PRKN: variants seen among roughly 807,000 people sequenced by gnomAD.
PRKN encodes parkin RBR E3 ubiquitin protein ligase.
Under a neutral mutation model 59.5 loss-of-function variants are expected in PRKN, and 56 were observed. The observed-to-expected ratio is 0.94, with a 90% CI of 0.76 to 1.18. The LOEUF (loss-of-function observed/expected upper bound fraction) is 1.18, where lower values mean the gene tolerates loss of function less well. PRKN is among the 50% of genes most tolerant of loss of function. PRKN has a pLI of 0.00. For missense variants in PRKN, 657 were observed against 596.4 expected, an observed-to-expected ratio of 1.10 and a Z score of -1.06; for synonymous variants, 250 against 222.1, an observed-to-expected ratio of 1.13 and a Z score of -1.12.
At position 162,087,466 on chromosome 6, in the gene PRKN, T is replaced by A. The variant is rs191528614; in HGVS notation, c.535-33292A>T. On this transcript the variant is annotated intron_variant, in intron 4 of 11. Transcript: ENST00000366898. ...ACAGATTAGAATTTTATTATTTTTT[T>A]AAAAATTGGGCCAGAAACGAGCACC... 9.6e-3 allele frequency among the ~76,000 whole-genome samples: 1,459 copies of A among 151,494 alleles called. 21 individuals are homozygous for A. Among genetic ancestry groups the A allele is most frequent in the African/African-American group, 0.033 (1,363 of 41,452 alleles).
intron 6 of PRKN, among the ~76,000 whole-genome samples, chr6:161,845,189 A>T (rs1286457091): frequency 1.2e-4 from 19 of 152,202 alleles, no homozygotes; most frequent in Non-Finnish European, 8.8e-5. Flanking sequence ...TGGACCAAAC[A>T]ACTAATTCTC....
intron 1 of PRKN, among the ~76,000 whole-genome samples, chr6:162,692,754 T>C (rs546677864): frequency 2.0e-5 from 3 of 152,360 alleles, no homozygotes; most frequent in Admixed American, 2.0e-4. Context: ...CCCTTTTACC[T>C]TTGTTGATTT....
At position 161,874,149 on chromosome 6, in the gene PRKN, ATATATAT is replaced by A. The variant is rs1178464845; in HGVS notation, c.735-88248_735-88242del. On this transcript the variant is annotated intron_variant, in intron 6 of 11. Transcript: ENST00000366898. ...TAATATATATTATATGTAAAATATA[ATATATAT>A]TATATATAATATATAATATATATTA... 4.1e-5 allele frequency among the ~76,000 whole-genome samples: 2 copies of A among 49,008 alleles called. 1 individual carries two copies. The highest frequency in any genetic ancestry group is 2.4e-4 in the African/African-American group (2 of 8,374). 32.2% of individuals were successfully genotyped at this position (49,008 alleles called of 152,430 possible).
intron 6 of PRKN, among the ~76,000 whole-genome samples, chr6:161,879,190 G>A (rs1794839770): frequency 1.3e-5 from 2 of 152,240 alleles, no homozygotes; most frequent in African/African-American, 2.4e-5. Context: ...CACATGCAAT[G>A]TTCTCATTGC....
chr6:162,019,063 C>T (rs560874195), intron 5 of PRKN, among the ~76,000 whole-genome samples: 25 of 152,274 alleles, frequency 1.6e-4, no homozygotes, highest in African/African-American at 6.0e-4. Context: ...GGTTTACTGA[C>T]TCATACAACA....
chr6:161,846,581 T>C (rs1793206655), intron 6 of PRKN, among the ~76,000 whole-genome samples: 1 of 151,342 alleles, frequency 6.6e-6, no homozygotes, highest in Non-Finnish European at 1.5e-5. Context: ...AAGGATTACA[T>C]CATAGTTCTT....
intron 9 of PRKN, among the ~76,000 whole-genome samples, chr6:161,476,167 A>G (rs1227920814): frequency 6.6e-6 from 1 of 150,800 alleles, no homozygotes; most frequent in Non-Finnish European, 1.5e-5. Context: ...AACCTGGGCG[A>G]CAGAGTGAGA....
In PRKN at chr6:161,526,722, G is replaced by A. The variant is rs984951959; in HGVS notation, c.1083+22132C>T. 5.3e-5 allele frequency among the ~76,000 whole-genome samples: 8 copies of A among 152,196 alleles called. No homozygotes were observed. The highest frequency in any genetic ancestry group is 1.9e-4 in the African/African-American group (8 of 41,550). ...GCTAAGCACTGTAGGGGACAGAAAA[G>A]ACTTTCTTTATCCTCTGAAGGTTCG... On this transcript the variant is annotated intron_variant, in intron 9 of 11. Transcript: ENST00000366898. The surrounding 1 kb of genome is among the most constrained non-coding windows in gnomAD (Gnocchi z 4.1).
chr6:161,988,979 C>T (rs565109381), intron 5 of PRKN, among the ~76,000 whole-genome samples: 16 of 152,036 alleles, frequency 1.1e-4, no homozygotes, highest in South Asian at 4.2e-4. Flanking sequence ...AGGGTACAAG[C>T]GCACAACGTG....
At chr6:161,826,037 T>C (rs938595048) in intron 6 of PRKN, among the ~76,000 whole-genome samples, 8 of 152,156 alleles carry the variant, frequency 5.3e-5, no homozygotes, top group African/African-American at 1.9e-4. Flanking sequence ...GCTCTCACTC[T>C]TGCCCCAAGC....
intron 5 of PRKN, among the ~76,000 whole-genome samples, chr6:161,985,115 G>A (rs921406723): frequency 2.0e-5 from 3 of 152,084 alleles, no homozygotes; most frequent in African/African-American, 7.2e-5. Context: ...CAACATAATC[G>A]CAGTGACTTA....
intron 5 of PRKN, among the ~76,000 whole-genome samples, chr6:161,991,737 G>A (rs1200445181): frequency 2.0e-5 from 3 of 152,064 alleles, no homozygotes; most frequent in Admixed American, 6.5e-5. Context: ...CAGCTACTCA[G>A]GAGGCTGAGG....
intron 1 of PRKN, among the ~76,000 whole-genome samples, chr6:162,460,137 G>C (rs931953336): frequency 2.6e-5 from 4 of 152,192 alleles, no homozygotes; most frequent in Non-Finnish European, 5.9e-5. Flanking sequence ...ATTAACCAAT[G>C]ATATATGCAT....
chr6:162,384,205 C>A (rs2128141740), intron 2 of PRKN, among the ~76,000 whole-genome samples: 1 of 152,318 alleles, frequency 6.6e-6, no homozygotes, highest in East Asian at 1.9e-4. Flanking sequence ...AGTTTTCAAC[C>A]TGTCTCAGTT....
At chr6:162,486,975 C>A (rs1285341774) in intron 1 of PRKN, among the ~76,000 whole-genome samples, 1 of 151,892 alleles carries the variant, frequency 6.6e-6, no homozygotes. Flanking sequence ...GAGGCTGAGG[C>A]AGGAGAATCA....
chr6:161,565,851 G>A (rs898411044), intron 8 of PRKN, among the ~76,000 whole-genome samples: 2 of 151,916 alleles, frequency 1.3e-5, no homozygotes, highest in East Asian at 1.9e-4. Flanking sequence ...GAGACCCTAC[G>A]CAAGGTTTAC....
chr6:162,354,654 C>T (rs769025440), intron 2 of PRKN, among the ~76,000 whole-genome samples: 3 of 151,980 alleles, frequency 2.0e-5, no homozygotes, highest in East Asian at 3.9e-4. Flanking sequence ...ATAAAGCATA[C>T]ATTTATTACA....
At chr6:162,426,394 G>A (rs1000559737) in intron 2 of PRKN, among the ~76,000 whole-genome samples, 3 of 152,192 alleles carry the variant, frequency 2.0e-5, no homozygotes, top group Admixed American at 6.5e-5. Context: ...TGGATCTTGC[G>A]TGGACAGCAC....
At chr6:161,585,804 C>T (rs9364605) in intron 7 of PRKN, among the ~76,000 whole-genome samples, 27,473 of 152,004 alleles carry the variant, frequency 0.18, 3,067 homozygotes, top group East Asian at 0.54. Context: ...CGATTACAGC[C>T]CTGAGGACTT....
Sources: allele counts gnomAD v4.1 joint callset (sites outside exome capture counted in the v4.1 genomes callset), GRCh38; gene constraint gnomAD v4.1.1; non-coding constraint Gnocchi (gnomAD v3.1); transcripts MANE v1.5; gene names NCBI Gene and HGNC (gene_info 2026-07-23, HGNC 2026-07-21).